Variants in GRM7 observed in about 807,000 individuals in gnomAD.
GRM7 encodes the protein metabotropic glutamate receptor 7.
GRM7 carries 35 observed loss-of-function variants against 84.5 expected under a neutral mutation model. The ratio of observed to expected loss-of-function variants is 0.41; its 90% confidence interval spans 0.32 to 0.55. The LOEUF (loss-of-function observed/expected upper bound fraction) is 0.55. Among genes scored for constraint, GRM7 ranks in the 20% least tolerant of loss-of-function variants. The pLI is 0.19. For missense variants in GRM7, 1,003 were observed against 1,194.6 expected (o/e 0.84, Z 2.36); for synonymous variants, 487 against 455.1 (o/e 1.07, Z -0.89).
In GRM7 at chr3:7,391,471, A is replaced by G. The variant is rs980723078; in HGVS notation, c.1034-23552A>G. Among the ~76,000 whole-genome samples, 8 of 152,266 alleles carry G rather than the reference A, an allele frequency of 5.3e-5. No individual in the cohort carries two copies. The East Asian group carries it at 1.5e-3, about 29-fold the overall frequency. ...AACTATCACAAGGACAGAAAACCAA[A>G]CACTGCATGTTCTCACTCATAGGTG... On this transcript the variant is annotated intron_variant, in intron 4 of 9. Transcript: ENST00000357716.
chr3:7,690,741 C>T (rs1700769490), intron 9 of GRM7, among the ~76,000 whole-genome samples: 1 of 152,174 alleles, frequency 6.6e-6, no homozygotes, highest in African/African-American at 2.4e-5. Flanking sequence ...TAAGGACTTG[C>T]TTTAAATAGT....
At chr3:7,268,834 T>A (rs1698743297) in intron 2 of GRM7, among the ~76,000 whole-genome samples, 1 of 152,206 alleles carries the variant, frequency 6.6e-6, no homozygotes, top group African/African-American at 2.4e-5. Flanking sequence ...TTTGGCTTAG[T>A]GACTTGGAAC....
chr3:7,549,159 AC>A (rs1334243417), intron 7 of GRM7, among the ~76,000 whole-genome samples: 3 of 152,224 alleles, frequency 2.0e-5, no homozygotes, highest in African/African-American at 7.2e-5. Context: ...TATAAAAACA[AC>A]CATTATTAAA....
chr3:7,651,615 G>T (rs540281438), intron 8 of GRM7, among the ~76,000 whole-genome samples: 2 of 152,312 alleles, frequency 1.3e-5, no homozygotes, highest in South Asian at 4.1e-4. Flanking sequence ...TCTGTGAGAA[G>T]AATTGCTGCT....
At chr3:6,900,004 A>G (rs907860152) in intron 1 of GRM7, among the ~76,000 whole-genome samples, 2 of 152,214 alleles carry the variant, frequency 1.3e-5, no homozygotes, top group African/African-American at 4.8e-5. Flanking sequence ...AAGGCAAAAC[A>G]AAATAATTGG....
At chr3:7,316,793 C>T (rs1559230405) in intron 4 of GRM7, among the ~76,000 whole-genome samples, 1 of 152,072 alleles carries the variant, frequency 6.6e-6, no homozygotes, top group Non-Finnish European at 1.5e-5. Flanking sequence ...CAACCGGATA[C>T]ATAAGCCTGG....
chr3:6,981,556 G>A (rs548908789), intron 1 of GRM7, among the ~76,000 whole-genome samples: 3 of 152,244 alleles, frequency 2.0e-5, no homozygotes, highest in East Asian at 1.9e-4. Flanking sequence ...AGTGTCCTGC[G>A]GTTCCTGCTG....
At chr3:6,930,510 G>T (rs892149420) in intron 1 of GRM7, among the ~76,000 whole-genome samples, 1 of 152,080 alleles carries the variant, frequency 6.6e-6, no homozygotes, top group African/African-American at 2.4e-5. Context: ...ATTTTTTGGT[G>T]TCTTAGTGTT....
intron 7 of GRM7, among the ~76,000 whole-genome samples, chr3:7,549,838 T>A (rs941001857): frequency 6.6e-6 from 1 of 152,196 alleles, no homozygotes; most frequent in Non-Finnish European, 1.5e-5. Context: ...GCATCTGTAA[T>A]GCTTGTGTTT....
At chr3:7,358,936 G>A (rs1693531705) in intron 4 of GRM7, among the ~76,000 whole-genome samples, 1 of 151,868 alleles carries the variant, frequency 6.6e-6, no homozygotes, top group Non-Finnish European at 1.5e-5. Flanking sequence ...TGGGCAACAT[G>A]GTGAAACCCT....
intron 2 of GRM7, among the ~76,000 whole-genome samples, chr3:7,186,788 G>A (rs999229764): frequency 6.6e-6 from 1 of 152,098 alleles, no homozygotes; most frequent in Non-Finnish European, 1.5e-5. Flanking sequence ...TTATCTTAAT[G>A]ATCCCAGTGT....
chr3:7,322,723 G>A (rs1265333543), intron 4 of GRM7, among the ~76,000 whole-genome samples: 2 of 152,016 alleles, frequency 1.3e-5, no homozygotes, highest in East Asian at 1.9e-4. Flanking sequence ...GGTTGCTGAC[G>A]ATGCCATTAT....
chr3:7,524,209 G>A (rs1174788835), intron 7 of GRM7, among the ~76,000 whole-genome samples: 1 of 150,728 alleles, frequency 6.6e-6, no homozygotes, highest in East Asian at 2.0e-4. Flanking sequence ...CATGGGCAAG[G>A]ACTTCATGTC....
intron 2 of GRM7, among the ~76,000 whole-genome samples, chr3:7,204,297 C>T (rs1201297901): frequency 6.6e-6 from 1 of 152,164 alleles, no homozygotes; most frequent in South Asian, 2.1e-4. Context: ...TTCAGTGGTT[C>T]TCTCTTAGGA....
intron 4 of GRM7, among the ~76,000 whole-genome samples, chr3:7,407,028 A>G (rs1695711100): frequency 6.6e-6 from 1 of 152,218 alleles, no homozygotes. Context: ...TTAGAAAGGC[A>G]AGAAATTCTA....
chr3:7,591,889 G>A (rs1437669825), intron 8 of GRM7, among the ~76,000 whole-genome samples: 1 of 152,088 alleles, frequency 6.6e-6, no homozygotes, highest in Non-Finnish European at 1.5e-5. Flanking sequence ...AAAGAAAGTT[G>A]CTTATCAGGA....
intron 1 of GRM7, among the ~76,000 whole-genome samples, chr3:6,864,339 C>T (rs1298473439): frequency 6.6e-6 from 1 of 152,170 alleles, no homozygotes; most frequent in Non-Finnish European, 1.5e-5. Flanking sequence ...ATATGTGTTT[C>T]ATATACCAAC....
At chr3:6,974,154 T>G (rs1306539799) in intron 1 of GRM7, among the ~76,000 whole-genome samples, 1 of 152,112 alleles carries the variant, frequency 6.6e-6, no homozygotes, top group East Asian at 1.9e-4. Flanking sequence ...GCAAAGATGA[T>G]TCCACAAAGC....
intron 4 of GRM7, among the ~76,000 whole-genome samples, chr3:7,326,427 A>C (rs1384828471): frequency 6.6e-6 from 1 of 152,152 alleles, no homozygotes; most frequent in African/African-American, 2.4e-5. Flanking sequence ...AAGAGCTGAA[A>C]GTTAAAAGTG....
Sources: allele counts gnomAD v4.1 joint callset (sites outside exome capture counted in the v4.1 genomes callset), GRCh38; gene constraint gnomAD v4.1.1; transcripts MANE v1.5; gene names NCBI Gene and HGNC (gene_info 2026-07-23, HGNC 2026-07-21).